The following NCOA2 variants were observed in gnomAD, a reference collection of about 807,000 sequenced individuals.
The protein encoded by NCOA2 is class E basic helix-loop-helix protein 75.
Under a neutral mutation model 145.1 loss-of-function variants are expected in NCOA2, and 21 were observed. The ratio of observed to expected loss-of-function variants is 0.14; its 90% CI spans 0.10 to 0.21. NCOA2 has a LOEUF of 0.21. Ranked by LOEUF, NCOA2 falls within the 10% of genes least tolerant of loss-of-function variation. NCOA2 has a pLI of 1.00. For synonymous variants in NCOA2, 619 were observed against 637.5 expected, an observed-to-expected ratio of 0.97 and a Z score of 0.44; for missense variants, 1,472 against 1,837.6, an observed-to-expected ratio of 0.80 and a Z score of 3.64.
intron 1 of NCOA2, among the ~76,000 whole-genome samples, chr8:70,335,155 A>AAAAAAAAAAAAAT (rs774576238): frequency 1.7e-5 from 2 of 115,352 alleles, no homozygotes; most frequent in Non-Finnish European, 3.5e-5. Flanking sequence ...AAAAAAAAAG[A>AAAAAAAAAAAAAT]TCTCTCCCTA....
At chr8:70,234,140 T>C (rs192270113) in intron 2 of NCOA2, among the ~76,000 whole-genome samples, 1 of 152,328 alleles carries the variant, frequency 6.6e-6, no homozygotes, top group East Asian at 1.9e-4. Context: ...CTCACTTGTT[T>C]CAATTAGCAT....
the NCOA2 span, among the ~76,000 whole-genome samples, chr8:70,453,474 A>C: frequency 3.9e-5 from 6 of 152,236 alleles, no homozygotes; most frequent in Non-Finnish European, 7.3e-5. Context: ...TAAAGCTTAA[A>C]AGATGAACTC....
In NCOA2 at chr8:70,138,280, T is replaced by C; in HGVS notation, c.3081A>G (p.Gln1027=). 1 of 1,613,572 alleles carries C rather than the reference T, an allele frequency of 6.2e-7. No homozygotes were observed. Among genetic ancestry groups the C allele is most frequent in the East Asian group, 2.2e-5 (1 of 44,870 alleles). Residue 1027 remains glutamine, a synonymous_variant, in exon 15 of 23, where the codon CAA becomes CAG. Transcript: ENST00000452400. ...NMGGPQYSQQ[Q]APPNQTAPWP... is the part of the protein sequence containing the mutation. The stretch of plus-strand genomic sequence containing the variant: ...ATGGGGCAGTCTGATTTGGAGGAGC[T>C]TGTTGTTGGCTATACTGAGGTCCCC...
chr8:70,265,429 G>GA (rs1824489811), intron 2 of NCOA2, among the ~76,000 whole-genome samples: 1 of 152,106 alleles, frequency 6.6e-6, no homozygotes, highest in Non-Finnish European at 1.5e-5. Flanking sequence ...AGCACGAGCT[G>GA]AAACAGTTAA....
chr8:70,283,239 C>T (rs1826011139), intron 2 of NCOA2, among the ~76,000 whole-genome samples: 1 of 152,162 alleles, frequency 6.6e-6, no homozygotes. Context: ...TAAACTTTGC[C>T]ATCGATAGGT....
chr8:70,204,306 C>T (rs139881236), intron 4 of NCOA2, among the ~76,000 whole-genome samples: 2,196 of 152,146 alleles, frequency 0.014, 32 homozygotes, highest in African/African-American at 0.033. Context: ...CCATGACCGG[C>T]GAATAGGATT....
At chr8:70,396,260 A>G (rs1161731369) in intron 1 of NCOA2, among the ~76,000 whole-genome samples, 3 of 152,224 alleles carry the variant, frequency 2.0e-5, no homozygotes, top group Non-Finnish European at 4.4e-5. Context: ...TATATCCTCT[A>G]TAGTGCTCTG....
the NCOA2 span, among the ~76,000 whole-genome samples, chr8:70,409,868 A>G: frequency 5.9e-5 from 9 of 152,080 alleles, no homozygotes; most frequent in African/African-American, 2.2e-4. Context: ...CAAGAGAGCA[A>G]GACCCTGTGT....
chr8:70,319,412 T>C (rs1805868112), intron 1 of NCOA2, among the ~76,000 whole-genome samples: 1 of 151,788 alleles, frequency 6.6e-6, no homozygotes, highest in African/African-American at 2.4e-5. Context: ...CATGGTGGTG[T>C]AGGACCATGG....
At chr8:70,435,460 A>G in the NCOA2 span, among the ~76,000 whole-genome samples, 1 of 146,620 alleles carries the variant, frequency 6.8e-6, no homozygotes, top group East Asian at 2.0e-4. Context: ...AAAAGAATAC[A>G]CACTCTGGAG....
At chr8:70,199,744 C>G (rs181507078) in intron 4 of NCOA2, among the ~76,000 whole-genome samples, 23 of 152,244 alleles carry the variant, frequency 1.5e-4, no homozygotes, top group Admixed American at 9.2e-4. Context: ...TTTCTTGGTC[C>G]CAGGCCACAT....
At chr8:70,427,885 G>A in the NCOA2 span, among the ~76,000 whole-genome samples, 1 of 152,058 alleles carries the variant, frequency 6.6e-6, no homozygotes. Context: ...GTGATGTTGT[G>A]GCTTTTCCAG....
chr8:70,118,758 G>A (rs891375835), intron 22 of NCOA2, among the ~76,000 whole-genome samples: 2 of 149,240 alleles, frequency 1.3e-5, no homozygotes, highest in Admixed American at 1.3e-4. Context: ...GCATGATCTC[G>A]GCTCACTACA....
chr8:70,441,840 A>AAGAAAGAC, the NCOA2 span, among the ~76,000 whole-genome samples: 1 of 149,398 alleles, frequency 6.7e-6, no homozygotes, highest in African/African-American at 2.5e-5. Flanking sequence ...GAAAGAAAGA[A>AAGAAAGAC]AGACAGAAAG....
chr8:70,422,977 G>A, the NCOA2 span, among the ~76,000 whole-genome samples: 4 of 152,074 alleles, frequency 2.6e-5, no homozygotes, highest in East Asian at 1.9e-4. Flanking sequence ...TACAGGGGCC[G>A]CCACTGTGCC....
chr8:70,233,962 C>G (rs1821373369), intron 2 of NCOA2, among the ~76,000 whole-genome samples: 1 of 152,020 alleles, frequency 6.6e-6, no homozygotes, highest in African/African-American at 2.4e-5. Flanking sequence ...ATATGTAATT[C>G]CAAAGCATTG....
chr8:70,121,473 C>T (rs1334641214), intron 21 of NCOA2, 82 bp from the exon 22 acceptor site: 12 of 1,094,588 alleles, frequency 1.1e-5, no homozygotes, highest in Admixed American at 6.0e-5. Context: ...CGCCGCCCTT[C>T]CTCTGTTTTT....
chr8:70,218,101 G>A (rs377232718), intron 2 of NCOA2, among the ~76,000 whole-genome samples: 4 of 151,824 alleles, frequency 2.6e-5, no homozygotes, highest in Non-Finnish European at 4.4e-5. Flanking sequence ...CAGTCAAACC[G>A]CCAGGCCACT....
chr8:70,437,356 C>T, the NCOA2 span, among the ~76,000 whole-genome samples: 2 of 152,176 alleles, frequency 1.3e-5, no homozygotes, highest in African/African-American at 4.8e-5. Flanking sequence ...GGGGCACCAA[C>T]TGTGTGTATT....
Sources: allele counts gnomAD v4.1 joint callset (sites outside exome capture counted in the v4.1 genomes callset), GRCh38; gene constraint gnomAD v4.1.1; transcripts MANE v1.5; gene names NCBI Gene and HGNC (gene_info 2026-07-23, HGNC 2026-07-21).